ROBO2: variants seen among roughly 807,000 people sequenced by gnomAD.
ROBO2 encodes the protein roundabout guidance receptor 2.
Under a neutral mutation model 160.8 loss-of-function variants are expected in ROBO2, and 53 were observed. That is an observed-to-expected ratio of 0.33 (90% CI 0.26 to 0.41). ROBO2 has a LOEUF of 0.41. ROBO2 is among the 10% of genes least tolerant of loss of function. ROBO2 has a pLI of 1.00. For synonymous variants in ROBO2, 664 were observed against 611.7 expected (o/e 1.09, Z -1.26); for missense variants, 1,577 against 1,722.4 (o/e 0.92, Z 1.49).
At chr3:76,156,770 C>A (rs9823046) in intron 2 of ROBO2, among the ~76,000 whole-genome samples, 6,990 of 152,274 alleles carry the variant, frequency 0.046, 367 homozygotes, top group East Asian at 0.22. Context: ...GAGTTGGAGA[C>A]CAGCCTGCCA....
chr3:77,538,236 T>G (rs1160585078), intron 6 of ROBO2, among the ~76,000 whole-genome samples: 1 of 143,108 alleles, frequency 7.0e-6, no homozygotes, highest in Non-Finnish European at 1.5e-5. Flanking sequence ...TGGAGTGCAG[T>G]GGTGCGATCT....
chr3:75,952,702 T>C (rs1316365054), intron 2 of ROBO2, among the ~76,000 whole-genome samples: 1 of 151,986 alleles, frequency 6.6e-6, no homozygotes, highest in African/African-American at 2.4e-5. Context: ...ATAGGTTTTG[T>C]CAAATGTGTA....
At chr3:76,860,954 A>G (rs2070714076) in intron 2 of ROBO2, among the ~76,000 whole-genome samples, 1 of 152,154 alleles carries the variant, frequency 6.6e-6, no homozygotes, top group African/African-American at 2.4e-5. Context: ...CTTTCTCTTC[A>G]GCCCATTCAG....
intron 2 of ROBO2, among the ~76,000 whole-genome samples, chr3:76,543,332 A>G (rs1398433896): frequency 6.6e-6 from 1 of 152,124 alleles, no homozygotes; most frequent in Non-Finnish European, 1.5e-5. Context: ...ACTCTAATCC[A>G]ATAAGCCTGG....
At chr3:76,284,332 G>A (rs575812456) in intron 2 of ROBO2, among the ~76,000 whole-genome samples, 1 of 151,940 alleles carries the variant, frequency 6.6e-6, no homozygotes, top group South Asian at 2.1e-4. Flanking sequence ...AGGAGATTCT[G>A]GTCTTTCCCT....
chr3:76,018,940 C>T (rs868721481), intron 2 of ROBO2, among the ~76,000 whole-genome samples: 74 of 151,436 alleles, frequency 4.9e-4, no homozygotes, highest in African/African-American at 1.7e-3. Flanking sequence ...TCTGAGAATA[C>T]GGTGTATTCC....
intron 1 of ROBO2, among the ~76,000 whole-genome samples, chr3:75,937,140 A>G (rs910145664): frequency 5.9e-5 from 9 of 152,142 alleles, no homozygotes; most frequent in African/African-American, 2.2e-4. Flanking sequence ...ATCAAGTTAT[A>G]CTTAAGTAGT....
At chr3:76,371,832 C>T (rs1245488860) in intron 2 of ROBO2, among the ~76,000 whole-genome samples, 1 of 151,872 alleles carries the variant, frequency 6.6e-6, no homozygotes, top group African/African-American at 2.4e-5. Context: ...GCATGTATCA[C>T]ACCACGAAGA....
chr3:76,021,679 T>C (rs566564483), intron 2 of ROBO2, among the ~76,000 whole-genome samples: 1 of 151,950 alleles, frequency 6.6e-6, no homozygotes, highest in East Asian at 1.9e-4. Flanking sequence ...TAGAAGTATG[T>C]CTAAAAACAA....
chr3:76,320,104 T>A (rs2072392100), intron 2 of ROBO2, among the ~76,000 whole-genome samples: 1 of 152,114 alleles, frequency 6.6e-6, no homozygotes, highest in South Asian at 2.1e-4. Flanking sequence ...CCTATCATAT[T>A]TGCTTCAGAT....
chr3:76,550,970 G>A (rs1218114976), intron 2 of ROBO2, among the ~76,000 whole-genome samples: 1 of 152,056 alleles, frequency 6.6e-6, no homozygotes, highest in African/African-American at 2.4e-5. Context: ...AGGCGGACAG[G>A]TTCCTGGGCG....
chr3:75,985,706 G>A (rs972427047), intron 2 of ROBO2, among the ~76,000 whole-genome samples: 3 of 151,304 alleles, frequency 2.0e-5, no homozygotes, highest in African/African-American at 4.8e-5. Flanking sequence ...TGAAGCTGTC[G>A]ACCCATTAAT....
At chr3:76,770,472 C>T (rs771816607) in intron 2 of ROBO2, among the ~76,000 whole-genome samples, 4 of 151,032 alleles carry the variant, frequency 2.6e-5, no homozygotes, top group Non-Finnish European at 4.4e-5. Context: ...AATAGATTTC[C>T]TGTGGTTTTA....
chr3:76,635,242 G>A (rs2090265344), intron 2 of ROBO2, among the ~76,000 whole-genome samples: 1 of 152,162 alleles, frequency 6.6e-6, no homozygotes, highest in Non-Finnish European at 1.5e-5. Flanking sequence ...TCTTGACTGA[G>A]TTTACATCTT....
chr3:76,256,014 C>T (rs990257483), intron 2 of ROBO2, among the ~76,000 whole-genome samples: 1 of 152,008 alleles, frequency 6.6e-6, no homozygotes, highest in Non-Finnish European at 1.5e-5. Flanking sequence ...AAGACTTACC[C>T]TGAGCCAGGT....
chr3:76,866,352 T>C lies in ROBO2; in HGVS notation c.110-231662T>C, dbSNP rs9815596. On this transcript the variant is annotated intron_variant, in intron 2 of 26. Coordinates refer to the ROBO2 transcript ENST00000487694. Reference sequence around the variant, plus strand: ...TTTGTATTTGCCATGGTTCTGTTATTATCAATCACATAAAGTGTTTACATT... The same window carrying C: ...TTTGTATTTGCCATGGTTCTGTTATCATCAATCACATAAAGTGTTTACATT... 1.3e-3 allele frequency among the ~76,000 whole-genome samples: 197 copies of C among 152,322 alleles called. 1 individual carries two copies. The highest frequency in any genetic ancestry group is 4.6e-3 in the African/African-American group (190 of 41,582).
intron 1 of ROBO2, among the ~76,000 whole-genome samples, chr3:75,915,424 G>T (rs554912607): frequency 3.3e-5 from 5 of 152,268 alleles, no homozygotes; most frequent in East Asian, 3.9e-4. Context: ...ACTATATGGA[G>T]AAATTAATGA....
In ROBO2 at chr3:76,341,299, G is replaced by T. The variant is rs902922630; in HGVS notation, c.109+403697G>T. On this transcript the variant is annotated intron_variant, in intron 2 of 26. Transcript: ENST00000487694. ...ATACAGGTTCCTTGGTCTCTTTCCT[G>T]CAGTGATACAGGTTCCTTTTCTCTA... Among the ~76,000 whole-genome samples the T allele has an allele frequency of 2.2e-4, 34 of 151,572 alleles. No individual in the cohort carries two copies. The Admixed American group carries it at 2.2e-3, about 10-fold the overall frequency.
intron 2 of ROBO2, among the ~76,000 whole-genome samples, chr3:76,261,948 G>A (rs1228413871): frequency 6.6e-6 from 1 of 152,086 alleles, no homozygotes; most frequent in Non-Finnish European, 1.5e-5. Flanking sequence ...TGGAGGAGAT[G>A]TATAGCATGG....
Sources: gnomAD v4.1 joint callset for allele counts (sites outside exome capture counted in the v4.1 genomes callset) on GRCh38, gnomAD v4.1.1 for gene constraint, MANE v1.5 for transcripts, NCBI Gene and HGNC (gene_info 2026-07-23, HGNC 2026-07-21) for gene names.